Variants in ARMH3 observed in about 807,000 individuals in gnomAD.
ARMH3 encodes armadillo-like helical domain-containing protein 3.
A neutral mutation model predicts 99.1 loss-of-function variants in ARMH3; 60 were observed. The observed-to-expected ratio is 0.61, with a 90% CI of 0.49 to 0.75. The LOEUF (loss-of-function observed/expected upper bound fraction) is 0.75. ARMH3 is among the 30% of genes least tolerant of loss of function. ARMH3 has a pLI of 0.00. For missense variants in ARMH3, 679 were observed against 843.1 expected (o/e 0.81, Z 2.41); for synonymous variants, 285 against 292.8 (o/e 0.97, Z 0.27).
rs771266630 is a variant in ARMH3, at chr10:102,010,021, C to T, written c.834G>A (p.Val278=). The T allele has an allele frequency of 6.2e-7, 1 of 1,613,764 alleles. No individual in the cohort carries two copies. The highest frequency in any genetic ancestry group is 8.5e-7 in the Non-Finnish European group (1 of 1,179,802). Residue 278 remains valine (V), a splice_region_variant and synonymous_variant, in exon 12 of 26, where the codon GTG becomes GTA. Transcript: ENST00000370033. ...SGFFSALTNM[V]GSMFIADAHE... is the part of the protein sequence containing the mutation. ...GGGCATCTGCTATGAACATGCTGCC[C>T]ACCTGTGGAAGAAAAGGGGAATTGC...
intron 14 of ARMH3, among the ~76,000 whole-genome samples, chr10:102,004,484 C>G (rs2066438641): frequency 6.6e-6 from 1 of 152,084 alleles, no homozygotes; most frequent in East Asian, 1.9e-4. Flanking sequence ...GATCTTCCCA[C>G]TAGAAAAAAT....
chr10:101,885,738 C>T (rs1032344993), intron 24 of ARMH3, among the ~76,000 whole-genome samples: 10 of 152,100 alleles, frequency 6.6e-5, no homozygotes, highest in Non-Finnish European at 4.4e-5. Context: ...GTATTTAATG[C>T]CACTGAACTG....
chr10:102,003,620 A>G (rs2066418637), intron 14 of ARMH3, among the ~76,000 whole-genome samples: 1 of 152,246 alleles, frequency 6.6e-6, no homozygotes, highest in Non-Finnish European at 1.5e-5. Flanking sequence ...GCTTTCTGCT[A>G]CATTTTCAGC....
chr10:101,934,588 G>T (rs1843869978), intron 23 of ARMH3, among the ~76,000 whole-genome samples: 1 of 152,088 alleles, frequency 6.6e-6, no homozygotes, highest in South Asian at 2.1e-4. Flanking sequence ...GAAAATTACA[G>T]ATCAGGAGAA....
chr10:101,863,728 C>T (rs927760475), intron 24 of ARMH3, among the ~76,000 whole-genome samples: 3 of 151,850 alleles, frequency 2.0e-5, no homozygotes, highest in African/African-American at 7.3e-5. Flanking sequence ...TGTTCAAGAC[C>T]AGCCTGGGCA....
chr10:101,876,626 A>G (rs2067272904), intron 24 of ARMH3, among the ~76,000 whole-genome samples: 1 of 152,230 alleles, frequency 6.6e-6, no homozygotes, highest in Admixed American at 6.5e-5. Context: ...CAACACAGTT[A>G]ATAATAGAGA....
At chr10:102,029,865 G>A (rs1447723931) in intron 4 of ARMH3, 120 bp from the exon 5 acceptor site, 2 of 1,016,436 alleles carry the variant, frequency 2.0e-6, no homozygotes, top group East Asian at 5.1e-5. Flanking sequence ...TGAGTTCTGA[G>A]CTCCAAAACA....
At chr10:101,871,461 A>G (rs1343401644) in intron 24 of ARMH3, among the ~76,000 whole-genome samples, 1 of 152,260 alleles carries the variant, frequency 6.6e-6, no homozygotes, top group East Asian at 1.9e-4. Context: ...CCATAAATTT[A>G]GACGTATAGA....
At chr10:102,008,487 T>A (rs2066554090) in intron 13 of ARMH3, among the ~76,000 whole-genome samples, 1 of 152,136 alleles carries the variant, frequency 6.6e-6, no homozygotes, top group Non-Finnish European at 1.5e-5. Flanking sequence ...ATGTGACCCA[T>A]CGCTCAGTAT....
chr10:102,010,113 A>C, intron 11 of ARMH3, 90 bp from the exon 12 acceptor site: 1 of 1,244,608 alleles, frequency 8.0e-7, no homozygotes, highest in Middle Eastern at 1.9e-4. Flanking sequence ...TGAAGAAAAC[A>C]AGCTGCTTCC....
chr10:101,966,419 G>A (rs2135871769), intron 20 of ARMH3, among the ~76,000 whole-genome samples: 1 of 150,618 alleles, frequency 6.6e-6, no homozygotes, highest in East Asian at 2.0e-4. Context: ...TGGGATTACA[G>A]GCGCCCGCCA....
chr10:101,853,083 G>C (rs2066644089), intron 24 of ARMH3, among the ~76,000 whole-genome samples: 1 of 149,062 alleles, frequency 6.7e-6, no homozygotes, highest in South Asian at 2.1e-4. Flanking sequence ...TAGAGACGGG[G>C]TTTCATGATA....
At chr10:102,010,391 T>C (rs2066605478) in intron 11 of ARMH3, among the ~76,000 whole-genome samples, 1 of 152,240 alleles carries the variant, frequency 6.6e-6, no homozygotes, top group Admixed American at 6.5e-5. Context: ...TTCCTAGAAG[T>C]TGCTTATTTG....
At chr10:101,994,031 G>A (rs1290486479) in intron 16 of ARMH3, among the ~76,000 whole-genome samples, 1 of 152,206 alleles carries the variant, frequency 6.6e-6, no homozygotes, top group African/African-American at 2.4e-5. Context: ...TCTGTGCTCT[G>A]CTGGGAATGG....
Position 101,975,047 on chromosome 10 carries a change from C to T in ARMH3, c.1495+165G>A, listed in dbSNP as rs529681907. 3.7e-4 allele frequency among the ~76,000 whole-genome samples: 7 copies of T among 19,098 alleles called. No individual in the cohort carries two copies. The East Asian group carries it at 7.2e-3, about 20-fold the overall frequency. 12.5% of individuals were successfully genotyped at this position (19,098 alleles called of 152,430 possible). A position where few individuals can be genotyped will look rare whatever the true frequency, so the allele number is the denominator to read the frequency against. On this transcript the variant is annotated intron_variant, in intron 20 of 25. Coordinates refer to ENST00000370033, the MANE Select transcript of ARMH3 (RefSeq NM_024541.3). The stretch of plus-strand genomic sequence containing the variant: ...GGTCTGGATTCGAAAAAAGCTAAAA[C>T]GTAAAAAAAAAAAAAAAAAAAAAAA...
chr10:101,904,163 C>T (rs533876959), intron 23 of ARMH3, among the ~76,000 whole-genome samples: 7 of 152,328 alleles, frequency 4.6e-5, no homozygotes, highest in Admixed American at 3.9e-4. Flanking sequence ...ATAAGAGTGT[C>T]CTTGGTTCTC....
rs547408113 is a variant in ARMH3, at chr10:101,847,213, T to C, written c.*315A>G. ...GCTTGCCTCACCAGCTCCCGAAAAT[T>C]AGTCAGTAGCTACAGCTTGTAACCT... On this transcript the variant is annotated 3_prime_UTR_variant, in exon 26 of 26. Coordinates refer to ENST00000370033, the MANE Select transcript of ARMH3 (RefSeq NM_024541.3). 7 of 276,044 alleles carry C rather than the reference T, an allele frequency of 2.5e-5. No individual in the cohort carries two copies. Among genetic ancestry groups the C allele is most frequent in the East Asian group, 8.5e-5 (1 of 11,802 alleles). The allele number at this position is 276,044 out of a possible 1,614,324, so 17.1% of individuals were successfully genotyped here.
At chr10:102,034,448 A>AACACGGTG (rs1325135827) in intron 2 of ARMH3, among the ~76,000 whole-genome samples, 1 of 151,664 alleles carries the variant, frequency 6.6e-6, no homozygotes, top group Non-Finnish European at 1.5e-5. Context: ...CATCCTGGCT[A>AACACGGTG]ACACGGTGAC....
At position 102,025,171 on chromosome 10, in the gene ARMH3, G is replaced by A. The variant is rs2066974011; in HGVS notation, c.492C>T (p.Leu164=). Residue 164 remains leucine (L), a synonymous_variant, in exon 6 of 26, where the codon CTC becomes CTT. Coordinates refer to ENST00000370033, the MANE Select transcript of ARMH3 (RefSeq NM_024541.3). The part of the protein sequence containing the change: ...ESLKSLCLKL[L]LCLVTVTDNI... ...GGTCACTTACGGTCACTAAGCAAAG[G>A]AGAAGTTTCAGACATAAACTCTTCA... 1.9e-6 allele frequency: 3 copies of A among 1,613,244 alleles called. No individual in the cohort carries two copies. The highest frequency in any genetic ancestry group is 2.2e-5 in the South Asian group (2 of 91,038).
Sources: gnomAD v4.1 joint callset for allele counts (sites outside exome capture counted in the v4.1 genomes callset) on GRCh38, gnomAD v4.1.1 for gene constraint, MANE v1.5 for transcripts, NCBI Gene and HGNC (gene_info 2026-07-23, HGNC 2026-07-21) for gene names.